PCDHGA3: variants seen among roughly 807,000 people sequenced by gnomAD.
PCDHGA3 encodes the protein protocadherin gamma subfamily A, 3, also known as protocadherin gamma-A3.
PCDHGA3 carries 40 observed loss-of-function variants against 58.5 expected under a neutral mutation model. The ratio of observed to expected loss-of-function variants is 0.68; its 90% CI spans 0.53 to 0.89. The LOEUF (loss-of-function observed/expected upper bound fraction) is 0.89. Among genes scored for constraint, PCDHGA3 ranks in the 40% least tolerant of loss-of-function variants. PCDHGA3 has a pLI of 0.00. For missense variants in PCDHGA3, 1,223 were observed against 1,195.9 expected, an observed-to-expected ratio of 1.02 and a Z score of -0.33; for synonymous variants, 530 against 525.7, an observed-to-expected ratio of 1.01 and a Z score of -0.11.
At chr5:141,469,081 A>C (rs1451214440) in intron 1 of PCDHGA3, among the ~76,000 whole-genome samples, 1 of 151,790 alleles carries the variant, frequency 6.6e-6, no homozygotes, top group Non-Finnish European at 1.5e-5. Context: ...GTTTGAGACC[A>C]TTCTAGGCAA....
intron 1 of PCDHGA3, chr5:141,423,751 G>GGC: frequency 2.9e-6 from 1 of 349,040 alleles, no homozygotes; most frequent in African/African-American, 6.5e-5. Context: ...AAAACTGTTT[G>GGC]GGGGGGGGGT....
intron 2 of PCDHGA3, among the ~76,000 whole-genome samples, chr5:141,501,365 A>G (rs1360125423): frequency 1.3e-5 from 2 of 151,500 alleles, no homozygotes; most frequent in Admixed American, 6.6e-5. Flanking sequence ...AACCATATTC[A>G]TCATCTCTTA....
chr5:141,400,299 A>C, intron 1 of PCDHGA3: 1 of 1,613,834 alleles, frequency 6.2e-7, no homozygotes, highest in South Asian at 1.1e-5. Context: ...GCTGCTTCCA[A>C]CCTGGTCTCT....
At chr5:141,395,297 T>C in intron 1 of PCDHGA3, 1 of 1,523,916 alleles carries the variant, frequency 6.6e-7, no homozygotes, top group Non-Finnish European at 8.8e-7. Context: ...GCATAAATTA[T>C]GTTTTGAAAA....
At position 141,365,595 on chromosome 5, in the gene PCDHGA3, T is replaced by A. The variant is rs746207657; in HGVS notation, c.2424+19138T>A. The stretch of plus-strand genomic sequence containing the variant: ...GAGACTTCAGATTATAATATCACTT[T>A]AACCGTCATGGACCATGGAACCCCG... On this transcript the variant is annotated intron_variant, in intron 1 of 3. Transcript: ENST00000253812. 1.9e-6 allele frequency: 3 copies of A among 1,613,672 alleles called. No homozygotes were observed. In the South Asian group the frequency reaches 3.3e-5, roughly 18 times the overall value.
chr5:141,403,429 T>C (rs1282528901), intron 1 of PCDHGA3: 2 of 1,614,006 alleles, frequency 1.2e-6, no homozygotes, highest in Non-Finnish European at 1.7e-6. Flanking sequence ...AAGCTATTGA[T>C]CCGGATGTTG....
In PCDHGA3 at chr5:141,399,794, C is replaced by A. The variant is rs2093888579; in HGVS notation, c.2424+53337C>A. ...GTGGGCGACCGAAACGACAACGCAC[C>A]GCGGGTGCTGTACCCCGCGCTGGGT... is the stretch of plus-strand genomic sequence containing the variant. On this transcript the variant is annotated intron_variant, in intron 1 of 3. Transcript: ENST00000253812. 1.9e-6 allele frequency: 3 copies of A among 1,613,268 alleles called. No homozygotes were observed. The highest frequency in any genetic ancestry group is 1.1e-5 in the South Asian group (1 of 91,052).
chr5:141,422,070 A>G (rs1202364320), intron 1 of PCDHGA3: 3 of 1,612,480 alleles, frequency 1.9e-6, no homozygotes, highest in Non-Finnish European at 2.5e-6. Context: ...TAATGTATTC[A>G]TTTCGGAACA....
At chr5:141,417,781 G>C in intron 1 of PCDHGA3, 1 of 1,473,574 alleles carries the variant, frequency 6.8e-7, no homozygotes. Flanking sequence ...CCTGTCCTGG[G>C]CCGAATGCTC....
At position 141,432,993 on chromosome 5, in the gene PCDHGA3, G is replaced by C. The variant is rs749499789; in HGVS notation, c.2425-61814G>C. 7 of 1,614,208 alleles carry C rather than the reference G, an allele frequency of 4.3e-6. No homozygotes were observed. In the South Asian group the frequency reaches 7.7e-5, roughly 18 times the overall value. On this transcript the variant is annotated intron_variant, in intron 1 of 3. Transcript: ENST00000253812. This position sits in a 1 kb window ranked among gnomAD's most constrained non-coding sequence, Gnocchi z 6.0. ...GCGTCGCACTTTGTGGGCGTGGACG[G>C]GGTGCAGGCTTTCCTGCAGACCTAT...
At chr5:141,371,891 G>A (rs771271665) in intron 1 of PCDHGA3, 3 of 1,613,446 alleles carry the variant, frequency 1.9e-6, no homozygotes, top group Non-Finnish European at 2.5e-6. Flanking sequence ...TGGAGCCGCG[G>A]GAGCTGTCGT....
chr5:141,362,391 C>A, intron 1 of PCDHGA3: 2 of 1,614,058 alleles, frequency 1.2e-6, no homozygotes, highest in Admixed American at 3.3e-5. Flanking sequence ...CCTATTCCTA[C>A]AACCTGTGTG....
chr5:141,503,392 C>T lies in PCDHGA3; in HGVS notation c.2484-2001C>T, dbSNP rs554732406. 1.2e-4 allele frequency among the ~76,000 whole-genome samples: 18 copies of T among 151,870 alleles called. No individual in the cohort carries two copies. The South Asian group carries it at 3.5e-3, about 30-fold the overall frequency. On this transcript the variant is annotated intron_variant, in intron 2 of 3. Transcript: ENST00000253812. ...CAGGTGGATCATGAGGTCAGGAGTT[C>T]GAAACCAACCTGGCCAATATGGTGA...
At chr5:141,368,644 G>C (rs948987019) in intron 1 of PCDHGA3, among the ~76,000 whole-genome samples, 1 of 152,090 alleles carries the variant, frequency 6.6e-6, no homozygotes, top group African/African-American at 2.4e-5. Context: ...AATGTTTTGT[G>C]CAATGGAAAA....
At chr5:141,495,153 T>G (rs2154591630) in intron 2 of PCDHGA3, among the ~76,000 whole-genome samples, 1 of 152,290 alleles carries the variant, frequency 6.6e-6, no homozygotes, top group East Asian at 1.9e-4. Flanking sequence ...AGGATGGTCT[T>G]AAGCTGGTCT....
intron 1 of PCDHGA3, chr5:141,351,090 C>G: frequency 6.2e-7 from 1 of 1,614,036 alleles, no homozygotes; most frequent in Non-Finnish European, 8.5e-7. Context: ...ATCACCTATG[C>G]CTTCCTCAAT....
At chr5:141,465,657 G>T (rs904553709) in intron 1 of PCDHGA3, among the ~76,000 whole-genome samples, 2 of 152,130 alleles carry the variant, frequency 1.3e-5, no homozygotes, top group Non-Finnish European at 2.9e-5. Context: ...CCAAAAAAGC[G>T]CTTGCCATGA....
rs1177043977 is a variant in PCDHGA3, at chr5:141,491,919, C to G, written c.2425-2888C>G. On this transcript the variant is annotated intron_variant, in intron 1 of 3. Coordinates refer to ENST00000253812, the MANE Select transcript of PCDHGA3 (RefSeq NM_018916.4). The surrounding 1 kb of genome is among the most constrained non-coding windows in gnomAD (Gnocchi z 6.9). ...CACCGGGGGTGGTGGCGACTGTGGG[C>G]GAGGGGAGGTGGGACCGACCCCCAC... 5 of 1,361,900 alleles carry G rather than the reference C, an allele frequency of 3.7e-6. No homozygotes were observed. The South Asian group carries it at 7.8e-5, about 21-fold the overall frequency. The allele number at this position is 1,361,900 out of a possible 1,614,324, so 84.4% of individuals were successfully genotyped here. A position where few individuals can be genotyped will look rare whatever the true frequency, so the allele number is the denominator to read the frequency against.
chr5:141,411,868 A>AG (rs1463496640), intron 1 of PCDHGA3: 1 of 152,224 alleles, frequency 6.6e-6, no homozygotes, highest in East Asian at 1.9e-4. Flanking sequence ...TCAAAAAAAA[A>AG]AGACATTTCT....
Sources: gnomAD v4.1 joint callset for allele counts (sites outside exome capture counted in the v4.1 genomes callset) on GRCh38, gnomAD v4.1.1 for gene constraint, Gnocchi (gnomAD v3.1) non-coding constraint, MANE v1.5 for transcripts, NCBI Gene and HGNC (gene_info 2026-07-23, HGNC 2026-07-21) for gene names.